The following ZNF222 variants were observed in gnomAD, a reference collection of about 807,000 sequenced individuals.
ZNF222 encodes zinc finger protein 222.
A neutral mutation model predicts 11.6 loss-of-function variants in ZNF222; 8 were observed. The observed-to-expected ratio is 0.69, with a 90% CI of 0.41 to 1.25. The LOEUF is 1.25. ZNF222 is among the 50% of genes most tolerant of loss of function. ZNF222 has a pLI of 0.01. For synonymous variants in ZNF222, 171 were observed against 195.6 expected, an observed-to-expected ratio of 0.87 and a Z score of 1.05; for missense variants, 483 against 576.1, an observed-to-expected ratio of 0.84 and a Z score of 1.65.
In ZNF222 at chr19:44,031,819, G is replaced by A; in HGVS notation, c.265G>A (p.Gly89Ser). The change falls in exon 4 of 4, where the codon GGC becomes AGC. Residue 89 changes from glycine to serine, a missense_variant and splice_region_variant. Physicochemically the swap from Gly to Ser is moderately conservative, Grantham distance 56 (BLOSUM62 0). Transcript: ENST00000391960. ...GTCTTAATTCTGTGTCCTTATAGGA[G>A]GCAAGATCCAAACTGAGATGGAGAC... Reference protein sequence around the residue: ...TTSQREGNLGGKIQTEMETVP... With the variant: ...TTSQREGNLGSKIQTEMETVP... 6.2e-7 allele frequency: 1 copy of A among 1,612,580 alleles called. No homozygotes were observed. Among genetic ancestry groups the A allele is most frequent in the Non-Finnish European group, 8.5e-7 (1 of 1,179,136 alleles).
At chr19:44,031,697 G>T in intron 3 of ZNF222, 120 bp from the exon 4 acceptor site, 1 of 1,086,934 alleles carries the variant, frequency 9.2e-7, no homozygotes. Flanking sequence ...TGGCCAGGAT[G>T]GTCTCAAACT....
intron 2 of ZNF222, 31 bp downstream of exon 2, chr19:44,027,180 T>C (rs1568502676): frequency 1.9e-6 from 3 of 1,612,816 alleles, no homozygotes; most frequent in African/African-American, 1.3e-5. Flanking sequence ...TAATGGAATG[T>C]CAGGCCCCAG....
In ZNF222 at chr19:44,025,557, G is replaced by A. The variant is rs975837928; in HGVS notation, c.42+79G>A. 1.0e-5 allele frequency: 15 copies of A among 1,450,760 alleles called. No homozygotes were observed. The African/African-American group carries it at 1.6e-4, about 15-fold the overall frequency. 89.9% of individuals were successfully genotyped at this position (1,450,760 alleles called of 1,614,324 possible). A position where few individuals can be genotyped will look rare whatever the true frequency, so the allele number is the denominator to read the frequency against. ...GTCGGGGGGCTCTGCTAGGGTCTCA[G>A]GGAGTGGGATTGGCGCGGCCCGGTG... On this transcript the variant is annotated intron_variant, in intron 1 of 3. Coordinates refer to ENST00000391960, the MANE Select transcript of ZNF222 (RefSeq NM_001129996.2). This position sits in a 1 kb window ranked among gnomAD's most constrained non-coding sequence, Gnocchi z 4.6.
intron 1 of ZNF222, among the ~76,000 whole-genome samples, chr19:44,026,554 A>ATT (rs1329786054): frequency 4.6e-5 from 6 of 129,504 alleles, no homozygotes; most frequent in South Asian, 2.3e-4. Context: ...ATATATATAT[A>ATT]TATTTTTTTT....
At chr19:44,031,586 G>A (rs7255145) in intron 3 of ZNF222, among the ~76,000 whole-genome samples, 78,838 of 151,994 alleles carry the variant, frequency 0.52, 24,345 homozygotes, top group Non-Finnish European at 0.7. Context: ...GGATTTAAGC[G>A]ATTCTCCTGC....
chr19:44,027,970 A>C (rs1160206665), intron 3 of ZNF222, among the ~76,000 whole-genome samples: 1 of 152,190 alleles, frequency 6.6e-6, no homozygotes, highest in Non-Finnish European at 1.5e-5. Context: ...TGTAGGCCTG[A>C]AGTCTGACAC....
chr19:44,026,207 C>A, intron 1 of ZNF222: 1 of 1,005,496 alleles, frequency 9.9e-7, no homozygotes, highest in Non-Finnish European at 1.5e-6. Context: ...AACTTTATTC[C>A]AAGTACTTTA....
At position 44,032,662 on chromosome 19, in the gene ZNF222, G is replaced by A. The variant is rs75892745; in HGVS notation, c.1108G>A (p.Val370Ile). 9.4e-4 allele frequency: 1,511 copies of A among 1,613,632 alleles called. 15 individuals carry two copies. In the African/African-American group the frequency reaches 0.018, roughly 19 times the overall value. The change falls in exon 4 of 4, where the codon GTC (valine) becomes ATC (isoleucine). Residue 370 changes from valine to isoleucine, a missense_variant. Physicochemically the swap from Val to Ile is conservative, Grantham distance 29 (BLOSUM62 3). Transcript: ENST00000391960. The stretch of plus-strand genomic sequence containing the variant: ...CTTCAAATGGTCCTCATATCTTTTG[G>A]TCCATCAACGAGTCCACACTGGAGA... Reference protein sequence around the residue: ...KSFKWSSYLLVHQRVHTGEKP... With the variant: ...KSFKWSSYLLIHQRVHTGEKP...
rs1976348527 is a variant in ZNF222, at chr19:44,025,881, C to A, written c.42+403C>A. 1 of 757,830 alleles carries A rather than the reference C, an allele frequency of 1.3e-6. No homozygotes were observed. Among genetic ancestry groups the A allele is most frequent in the Admixed American group, 3.0e-5 (1 of 33,234 alleles). The allele number at this position is 757,830 out of a possible 1,614,324, so 46.9% of individuals were successfully genotyped here. On this transcript the variant is annotated intron_variant, in intron 1 of 3. Coordinates refer to ENST00000391960, the MANE Select transcript of ZNF222 (RefSeq NM_001129996.2). The surrounding 1 kb of genome is among the most constrained non-coding windows in gnomAD (Gnocchi z 4.6). ...GGGGTCAGAGCTCCAGCTGCAGGGGCGCCGGCCCTTCTGCCTGATCCCTGC... is the reference window on the plus strand; with the variant it reads ...GGGGTCAGAGCTCCAGCTGCAGGGGAGCCGGCCCTTCTGCCTGATCCCTGC...
chr19:44,029,451 T>C (rs4803667), intron 3 of ZNF222, among the ~76,000 whole-genome samples: 80,429 of 151,942 alleles, frequency 0.53, 24,754 homozygotes, highest in Non-Finnish European at 0.71. Flanking sequence ...TTTCCAAATG[T>C]TTTTCTTCAA....
Position 44,025,576 on chromosome 19 carries a change from C to G in ZNF222, c.42+98C>G. ...GTCTCAGGGAGTGGGATTGGCGCGGCCCGGTGTGCCCTACTTTGACCTCGC... is the reference window on the plus strand; with the variant it reads ...GTCTCAGGGAGTGGGATTGGCGCGGGCCGGTGTGCCCTACTTTGACCTCGC... On this transcript the variant is annotated intron_variant, in intron 1 of 3. Transcript: ENST00000391960. This position sits in a 1 kb window ranked among gnomAD's most constrained non-coding sequence, Gnocchi z 4.6. 7.6e-7 allele frequency: 1 copy of G among 1,312,304 alleles called. No individual in the cohort carries two copies. Among genetic ancestry groups the G allele is most frequent in the East Asian group, 2.5e-5 (1 of 39,542 alleles). The allele number at this position is 1,312,304 out of a possible 1,614,324, so 81.3% of individuals were successfully genotyped here. A position where few individuals can be genotyped will look rare whatever the true frequency, so the allele number is the denominator to read the frequency against.
Position 44,032,918 on chromosome 19 carries a change from A to G in ZNF222, c.1364A>G (p.Gln455Arg). 1.2e-6 allele frequency: 2 copies of G among 1,612,826 alleles called. No homozygotes were observed. The highest frequency in any genetic ancestry group is 4.5e-5 in the East Asian group (2 of 44,878). The change falls in exon 4 of 4, where the codon CAA becomes CGA. Residue 455 changes from glutamine (Q) to arginine (R), a missense_variant. Gln to Arg is a conservative substitution (Grantham distance 43). Transcript: ENST00000391960. ...RLVCRSYCKD[Q>R]QRDHSGENPS... ...GTATGCCGGTCATACTGTAAAGACCAACAAAGAGACCACAGTGGAGAAAAC... is the reference window on the plus strand; with the variant it reads ...GTATGCCGGTCATACTGTAAAGACCGACAAAGAGACCACAGTGGAGAAAAC...
Position 44,025,578 on chromosome 19 carries a change from C to A in ZNF222, c.42+100C>A. On this transcript the variant is annotated intron_variant, in intron 1 of 3. Coordinates refer to ENST00000391960, the MANE Select transcript of ZNF222 (RefSeq NM_001129996.2). This position sits in a 1 kb window ranked among gnomAD's most constrained non-coding sequence, Gnocchi z 4.6. ...CTCAGGGAGTGGGATTGGCGCGGCC[C>A]GGTGTGCCCTACTTTGACCTCGCTT... The A allele has an allele frequency of 3.0e-6, 4 of 1,311,952 alleles. No individual in the cohort carries two copies. Among genetic ancestry groups the A allele is most frequent in the Non-Finnish European group, 4.1e-6 (4 of 975,882 alleles). The allele number at this position is 1,311,952 out of a possible 1,614,324, so 81.3% of individuals were successfully genotyped here. A position where few individuals can be genotyped will look rare whatever the true frequency, so the allele number is the denominator to read the frequency against.
At position 44,027,155 on chromosome 19, in the gene ZNF222, G is replaced by T. The variant is rs1976395316; in HGVS notation, c.169+6G>T. The T allele has an allele frequency of 6.2e-7, 1 of 1,613,860 alleles. No homozygotes were observed. Among genetic ancestry groups the T allele is most frequent in the African/African-American group, 1.3e-5 (1 of 74,992 alleles). ...CAGGAACCTGCTCTCAGTGGGTGAGGACGGGCACCCCCTGTAATGGAATGT... is the reference window on the plus strand; with the variant it reads ...CAGGAACCTGCTCTCAGTGGGTGAGTACGGGCACCCCCTGTAATGGAATGT... On this transcript the variant is annotated splice_donor_region_variant and intron_variant, in intron 2 of 3. Transcript: ENST00000391960.
In ZNF222 at chr19:44,027,438, G is replaced by A. The variant is rs748941053; in HGVS notation, c.210G>A (p.Arg70=). The change falls in exon 3 of 4, where the codon AGG becomes AGA. Residue 70 remains arginine, a synonymous_variant. Transcript: ENST00000391960. ...ATGGAGATACTTTCCACTTCCTAAG[G>A]GAAGAAAAGTTTTGGGTGATGGGGA... ...PFHGDTFHFL[R]EEKFWVMGTT... is the part of the protein sequence containing the mutation. The A allele has an allele frequency of 1.2e-6, 2 of 1,614,082 alleles. No individual in the cohort carries two copies. The highest frequency in any genetic ancestry group is 2.2e-5 in the East Asian group (1 of 44,882).
rs1063264 is a variant in ZNF222, at chr19:44,027,053, A to G, written c.73A>G (p.Ile25Val). ...AGTGACCTTCAAGGATGTGGCTGTG[A>G]TCTTCACTGAGGAGGAGCTGGGGCT... Reference protein sequence around the residue: ...EAVTFKDVAVIFTEEELGLLD... With the variant: ...EAVTFKDVAVVFTEEELGLLD... The change falls in exon 2 of 4, where the codon ATC becomes GTC. Residue 25 changes from isoleucine to valine, a missense_variant. Ile to Val is a conservative substitution (Grantham distance 29). Coordinates refer to ENST00000391960, the MANE Select transcript of ZNF222 (RefSeq NM_001129996.2). The G allele has an allele frequency of 9.4e-4, 1,518 of 1,614,026 alleles. 16 individuals are homozygous for G. In the African/African-American group the frequency reaches 0.018, roughly 19 times the overall value.
At chr19:44,026,556 A>ATATATAT (rs1491128087) in intron 1 of ZNF222, among the ~76,000 whole-genome samples, 4 of 101,846 alleles carry the variant, frequency 3.9e-5, no homozygotes, top group African/African-American at 1.4e-4. Context: ...ATATATATAT[A>ATATATAT]TTTTTTTTTT....
intron 3 of ZNF222, among the ~76,000 whole-genome samples, chr19:44,029,427 G>T (rs939412107): frequency 1.3e-5 from 2 of 151,960 alleles, no homozygotes; most frequent in Non-Finnish European, 2.9e-5. Flanking sequence ...TCTATGAGCT[G>T]AATGTTGCTT....
intron 3 of ZNF222, chr19:44,031,150 C>T (rs747537256): frequency 9.9e-5 from 15 of 152,236 alleles, no homozygotes; most frequent in Admixed American, 5.2e-4. Flanking sequence ...TATTTCACTA[C>T]ATATGTAGTA....
Sources: allele counts gnomAD v4.1 joint callset (sites outside exome capture counted in the v4.1 genomes callset), GRCh38; gene constraint gnomAD v4.1.1; non-coding constraint Gnocchi (gnomAD v3.1); transcripts MANE v1.5; gene names NCBI Gene and HGNC (gene_info 2026-07-23, HGNC 2026-07-21).